NKAIN3: variants seen among roughly 807,000 people sequenced by gnomAD.
The protein encoded by NKAIN3 is sodium/potassium transporting ATPase interacting 3.
NKAIN3 carries 25 observed loss-of-function variants against 30.2 expected under a neutral mutation model. The ratio of observed to expected loss-of-function variants is 0.83; its 90% CI spans 0.60 to 1.16. NKAIN3 has a LOEUF of 1.16. Among genes scored for constraint, NKAIN3 ranks in the 50% most tolerant of loss-of-function variants. The probability of loss-of-function intolerance (pLI) is 0.00; values close to 1 mark genes in which losing one functional copy is unlikely to be tolerated. For missense variants in NKAIN3, 225 were observed against 254.1 expected (o/e 0.89, Z 0.78); for synonymous variants, 91 against 89.6 (o/e 1.02, Z -0.09).
chr8:62,637,973 G>A (rs901776076), intron 3 of NKAIN3, among the ~76,000 whole-genome samples: 3 of 152,066 alleles, frequency 2.0e-5, no homozygotes, highest in African/African-American at 4.8e-5. Context: ...TAAAGGACTC[G>A]CCAGTTGATT....
intron 3 of NKAIN3, among the ~76,000 whole-genome samples, chr8:62,744,649 A>G (rs75300611): frequency 0.025 from 3,781 of 152,286 alleles, 156 homozygotes; most frequent in African/African-American, 0.086. Flanking sequence ...AAGAAATTAA[A>G]TCTGATGACC....
At chr8:62,518,550 A>C (rs1054676007) in intron 1 of NKAIN3, among the ~76,000 whole-genome samples, 4 of 152,148 alleles carry the variant, frequency 2.6e-5, no homozygotes, top group Non-Finnish European at 5.9e-5. Flanking sequence ...GGTCCCCATC[A>C]CTTAGTAAAT....
At chr8:62,584,050 G>C (rs1166074267) in intron 2 of NKAIN3, among the ~76,000 whole-genome samples, 2 of 152,084 alleles carry the variant, frequency 1.3e-5, no homozygotes, top group Admixed American at 6.6e-5. Context: ...AAATGAATGT[G>C]GCATATGTCC....
At chr8:62,258,921 A>T (rs1812343061) in intron 1 of NKAIN3, among the ~76,000 whole-genome samples, 1 of 152,138 alleles carries the variant, frequency 6.6e-6, no homozygotes, top group Non-Finnish European at 1.5e-5. Context: ...CCAGGAGACA[A>T]GCAGAGTGTA....
At chr8:62,961,285 A>T (rs1001735722) in intron 6 of NKAIN3, among the ~76,000 whole-genome samples, 9 of 151,154 alleles carry the variant, frequency 6.0e-5, no homozygotes, top group South Asian at 2.1e-4. Context: ...GTCTCAAAAA[A>T]AAAAAAAAAG....
chr8:62,854,527 C>A (rs1820004119), intron 4 of NKAIN3, among the ~76,000 whole-genome samples: 1 of 152,154 alleles, frequency 6.6e-6, no homozygotes, highest in Non-Finnish European at 1.5e-5. Context: ...CTCCTGCTTT[C>A]TTCTGTTCTC....
chr8:62,263,610 A>G (rs1812515788), intron 1 of NKAIN3, among the ~76,000 whole-genome samples: 1 of 152,156 alleles, frequency 6.6e-6, no homozygotes, highest in Non-Finnish European at 1.5e-5. Context: ...ACCAATATTT[A>G]ATGTGACGTA....
At position 62,978,568 on chromosome 8, in the gene NKAIN3, A is replaced by T. The variant is rs1211640515; in HGVS notation, c.*13161A>T. ...AGTAATGGCAGATACCTCTCCCCCA[A>T]CCAAGCTTGAGCATCCCAGGTCTAC... On this transcript the variant is annotated 3_prime_UTR_variant, in exon 7 of 7. Coordinates refer to ENST00000623646, the MANE Select transcript of NKAIN3 (RefSeq NM_001304533.3). 10 of 152,246 alleles carry T rather than the reference A, an allele frequency of 6.6e-5. No homozygotes were observed. The allele number at this position is 152,246 out of a possible 1,614,324, so 9.4% of individuals were successfully genotyped here.
rs869256384 is a variant in NKAIN3 at position 62,560,531 on chromosome 8, C to CTTTTTTT, written c.55-18989_55-18983dup. 6.2e-3 allele frequency among the ~76,000 whole-genome samples: 282 copies of CTTTTTTT among 45,372 alleles called. 25 individuals are homozygous for CTTTTTTT. Among genetic ancestry groups the CTTTTTTT allele is most frequent in the Non-Finnish European group, 8.9e-3 (240 of 27,034 alleles). The allele number at this position is 45,372 out of a possible 152,430, so 29.8% of individuals were successfully genotyped here. A position where few individuals can be genotyped will look rare whatever the true frequency, so the allele number is the denominator to read the frequency against. ...CAGTTCACTGAATCTTTTTTCTTTT[C>CTTTTTTT]TTTTTTTTTTTTTTTTTTTTTTTTT... is the stretch of plus-strand genomic sequence containing the variant. On this transcript the variant is annotated intron_variant, in intron 1 of 6. Transcript: ENST00000623646.
At chr8:62,519,345 A>G (rs755158884) in intron 1 of NKAIN3, among the ~76,000 whole-genome samples, 1 of 152,138 alleles carries the variant, frequency 6.6e-6, no homozygotes, top group Non-Finnish European at 1.5e-5. Flanking sequence ...ATACAGGCCA[A>G]ATTCACTTTC....
chr8:62,852,561 G>T (rs558996987), intron 4 of NKAIN3, among the ~76,000 whole-genome samples: 1 of 152,098 alleles, frequency 6.6e-6, no homozygotes, highest in African/African-American at 2.4e-5. Context: ...ATCAATTTTA[G>T]ATCTTTCCTG....
intron 3 of NKAIN3, among the ~76,000 whole-genome samples, chr8:62,729,608 T>TTA (rs947022898): frequency 3.9e-5 from 6 of 152,002 alleles, no homozygotes; most frequent in African/African-American, 7.2e-5. Flanking sequence ...ATATGATATA[T>TTA]TATATATATA....
intron 1 of NKAIN3, among the ~76,000 whole-genome samples, chr8:62,432,239 A>G (rs1805032018): frequency 1.3e-5 from 2 of 152,054 alleles, no homozygotes; most frequent in Admixed American, 6.6e-5. Context: ...ATCAGAGACT[A>G]AAGAATCCCT....
At chr8:62,747,316 A>G (rs1193399105) in intron 4 of NKAIN3, among the ~76,000 whole-genome samples, 187 bp downstream of exon 4, 1 of 152,190 alleles carries the variant, frequency 6.6e-6, no homozygotes, top group African/African-American at 2.4e-5. Flanking sequence ...TGGTATCTAG[A>G]CATTTTGTAT....
chr8:62,523,659 G>A (rs76228518), intron 1 of NKAIN3, among the ~76,000 whole-genome samples: 12,498 of 152,084 alleles, frequency 0.082, 686 homozygotes, highest in East Asian at 0.19. Context: ...ACTATAGGGC[G>A]CACAGCATGG....
intron 4 of NKAIN3, among the ~76,000 whole-genome samples, chr8:62,842,544 A>G (rs1045780956): frequency 6.6e-6 from 1 of 152,128 alleles, no homozygotes; most frequent in Admixed American, 6.6e-5. Context: ...TACACCCCAG[A>G]TAACCAAAGT....
chr8:62,942,512 A>G (rs746591430), intron 5 of NKAIN3, among the ~76,000 whole-genome samples: 1 of 150,470 alleles, frequency 6.6e-6, no homozygotes, highest in Admixed American at 6.6e-5. Flanking sequence ...TCTTCACAGA[A>G]CTAAAAAAAA....
intron 3 of NKAIN3, among the ~76,000 whole-genome samples, chr8:62,602,307 T>C (rs892139942): frequency 1.3e-5 from 2 of 152,114 alleles, no homozygotes; most frequent in Non-Finnish European, 2.9e-5. Flanking sequence ...GCAAATATAA[T>C]TGAAACACTA....
At chr8:62,411,603 A>C (rs1271746233) in intron 1 of NKAIN3, among the ~76,000 whole-genome samples, 2 of 152,230 alleles carry the variant, frequency 1.3e-5, no homozygotes. Context: ...TAGGAAAAGA[A>C]GATGTCAAAC....
Sources: allele counts gnomAD v4.1 joint callset (sites outside exome capture counted in the v4.1 genomes callset), GRCh38; gene constraint gnomAD v4.1.1; transcripts MANE v1.5; gene names NCBI Gene and HGNC (gene_info 2026-07-23, HGNC 2026-07-21).